Variants in ERAP1 observed in about 807,000 individuals in gnomAD.
ERAP1 encodes the protein endoplasmic reticulum aminopeptidase 1.
ERAP1 carries 86 observed loss-of-function variants against 103.7 expected under a neutral mutation model. The ratio of observed to expected loss-of-function variants is 0.83; its 90% CI spans 0.70 to 0.99. The LOEUF (loss-of-function observed/expected upper bound fraction) is 0.99. Among genes scored for constraint, ERAP1 ranks in the 50% least tolerant of loss-of-function variants. The pLI is 0.00. For synonymous variants in ERAP1, 398 were observed against 402.4 expected (o/e 0.99, Z 0.13); for missense variants, 1,009 against 1,128.4 (o/e 0.89, Z 1.52).
intron 3 of ERAP1, among the ~76,000 whole-genome samples, chr5:96,799,527 G>T (rs1777752858): frequency 6.6e-6 from 1 of 151,972 alleles, no homozygotes; most frequent in Non-Finnish European, 1.5e-5. Flanking sequence ...CATCTTTGTG[G>T]CGCTTCCAAA....
At chr5:96,887,115 AC>A in the ERAP1 span, among the ~76,000 whole-genome samples, 2 of 149,462 alleles carry the variant, frequency 1.3e-5, no homozygotes, top group Non-Finnish European at 3.0e-5. Context: ...ACACACACAC[AC>A]ACACACACAC....
At chr5:96,810,050 C>T (rs568216063), upstream of ERAP1, among the ~76,000 whole-genome samples, 11 of 151,400 alleles carry the variant, frequency 7.3e-5, 1 homozygote, top group South Asian at 1.5e-3. Context: ...GAAGTGTAGG[C>T]GAGGAGAGAG....
chr5:96,841,364 A>G, the ERAP1 span, among the ~76,000 whole-genome samples: 2 of 152,062 alleles, frequency 1.3e-5, no homozygotes, highest in African/African-American at 4.8e-5. Flanking sequence ...CATTTCAACA[A>G]CCTCTGCTTA....
chr5:96,892,479 C>A, the ERAP1 span: 4 of 1,612,150 alleles, frequency 2.5e-6, no homozygotes, highest in Non-Finnish European at 3.4e-6. Context: ...GACATTATCT[C>A]GATATCAGTT....
chr5:96,826,388 A>G, the ERAP1 span, among the ~76,000 whole-genome samples: 1 of 152,244 alleles, frequency 6.6e-6, no homozygotes, highest in South Asian at 2.1e-4. Context: ...CTTCAAATAA[A>G]TAGATAATTA....
At chr5:96,912,950 C>T in the ERAP1 span, 2 of 641,306 alleles carry the variant, frequency 3.1e-6, no homozygotes, top group Non-Finnish European at 5.1e-6. Flanking sequence ...AATATATTGA[C>T]AAAATGCAAA....
the ERAP1 span, chr5:96,917,830 C>T: frequency 9.4e-6 from 2 of 211,876 alleles, no homozygotes; most frequent in Non-Finnish European, 9.1e-6. Flanking sequence ...GGCATAAACC[C>T]GGGAGGTGGA....
At chr5:96,806,300 A>G (rs577027254) in intron 1 of ERAP1, among the ~76,000 whole-genome samples, 1 of 152,294 alleles carries the variant, frequency 6.6e-6, no homozygotes, top group South Asian at 2.1e-4. Context: ...AAAAAAAAGA[A>G]AGCTCTCAAA....
At chr5:96,843,541 C>T in the ERAP1 span, among the ~76,000 whole-genome samples, 1 of 152,160 alleles carries the variant, frequency 6.6e-6, no homozygotes, top group African/African-American at 2.4e-5. Context: ...AAGGGAATAA[C>T]CCTTTTGTTA....
the ERAP1 span, among the ~76,000 whole-genome samples, chr5:96,871,239 G>T: frequency 6.6e-6 from 1 of 152,148 alleles, no homozygotes; most frequent in Non-Finnish European, 1.5e-5. Flanking sequence ...CTCTCTCAAG[G>T]CAGAAAGCTG....
the ERAP1 span, among the ~76,000 whole-genome samples, chr5:96,841,913 T>C: frequency 2.6e-5 from 4 of 152,108 alleles, no homozygotes; most frequent in Admixed American, 1.3e-4. Flanking sequence ...GTGTACCCAG[T>C]GTGTAGTCTT....
At chr5:96,877,084 C>G in the ERAP1 span, among the ~76,000 whole-genome samples, 1 of 152,190 alleles carries the variant, frequency 6.6e-6, no homozygotes, top group Non-Finnish European at 1.5e-5. Flanking sequence ...AAGCGATTCT[C>G]GTGCCTCAGC....
chr5:96,930,591 A>C, the ERAP1 span, among the ~76,000 whole-genome samples: 1 of 152,118 alleles, frequency 6.6e-6, no homozygotes, highest in Non-Finnish European at 1.5e-5. Context: ...CTTTATGAGA[A>C]ATAACTTTCC....
chr5:96,893,067 T>C, the ERAP1 span, among the ~76,000 whole-genome samples: 1 of 152,182 alleles, frequency 6.6e-6, no homozygotes, highest in Admixed American at 6.5e-5. Context: ...TATTAGTTAT[T>C]AATGATGATG....
chr5:96,916,103 C>T, the ERAP1 span, among the ~76,000 whole-genome samples: 1 of 152,032 alleles, frequency 6.6e-6, no homozygotes, highest in Non-Finnish European at 1.5e-5. Flanking sequence ...CACCTGTAGT[C>T]CCAGCTACTT....
the ERAP1 span, among the ~76,000 whole-genome samples, chr5:96,869,293 A>G: frequency 6.6e-6 from 1 of 152,106 alleles, no homozygotes; most frequent in Non-Finnish European, 1.5e-5. Flanking sequence ...TCTAGTTGAT[A>G]ACTGCTTATT....
At chr5:96,900,510 A>G in the ERAP1 span, among the ~76,000 whole-genome samples, 327 of 152,260 alleles carry the variant, frequency 2.1e-3, 2 homozygotes, top group African/African-American at 7.6e-3. Flanking sequence ...CAAAATAAGT[A>G]TGCTGTTAGG....
At chr5:96,903,551 A>G in the ERAP1 span, 3 of 1,596,954 alleles carry the variant, frequency 1.9e-6, no homozygotes, top group Admixed American at 5.4e-5. Flanking sequence ...GATGTGTTTC[A>G]GCTAGTTGGG....
At chr5:96,932,282 G>A in the ERAP1 span, among the ~76,000 whole-genome samples, 1 of 152,156 alleles carries the variant, frequency 6.6e-6, no homozygotes, top group Non-Finnish European at 1.5e-5. Context: ...CCATTTATTC[G>A]AGTGCTGAAC....
Sources: gnomAD v4.1 joint callset for allele counts (sites outside exome capture counted in the v4.1 genomes callset) on GRCh38, gnomAD v4.1.1 for gene constraint, MANE v1.5 for transcripts, NCBI Gene and HGNC (gene_info 2026-07-23, HGNC 2026-07-21) for gene names.